Variants in DLGAP2 observed in about 807,000 individuals in gnomAD.
DLGAP2 encodes the protein DLG associated protein 2, also known as disks large-associated protein 2.
DLGAP2 carries 26 observed loss-of-function variants against 100.3 expected under a neutral mutation model. The ratio of observed to expected loss-of-function variants is 0.26; its 90% CI spans 0.19 to 0.36. The LOEUF is 0.36. Among genes scored for constraint, DLGAP2 ranks in the 10% least tolerant of loss-of-function variants. DLGAP2 has a pLI of 1.00. For synonymous variants in DLGAP2, 886 were observed against 630.1 expected (o/e 1.41, Z -6.08); for missense variants, 1,858 against 1,453.2 (o/e 1.28, Z -4.53).
chr8:768,478 G>A (rs1437747840), intron 1 of DLGAP2, among the ~76,000 whole-genome samples: 11 of 141,362 alleles, frequency 7.8e-5, no homozygotes, highest in Admixed American at 7.5e-4. Context: ...AGGCTGGAGT[G>A]CAGTGGTGTG....
At chr8:1,575,653 G>A (rs1009814046) in intron 6 of DLGAP2, among the ~76,000 whole-genome samples, 11 of 118,176 alleles carry the variant, frequency 9.3e-5, no homozygotes, top group Non-Finnish European at 1.7e-4. Context: ...AGTGTGTGAT[G>A]TTCCCCTTCC....
At chr8:1,573,199 G>T (rs1474187190) in intron 6 of DLGAP2, among the ~76,000 whole-genome samples, 25 of 140,008 alleles carry the variant, frequency 1.8e-4, no homozygotes, top group African/African-American at 6.4e-4. Flanking sequence ...TGAAGTGTCA[G>T]GGGCATCTGA....
chr8:1,195,155 C>A (rs1363589000), intron 2 of DLGAP2, among the ~76,000 whole-genome samples: 1 of 152,268 alleles, frequency 6.6e-6, no homozygotes, highest in Non-Finnish European at 1.5e-5. Flanking sequence ...GGCGTCAGAA[C>A]AGTGAACATC....
intron 1 of DLGAP2, among the ~76,000 whole-genome samples, chr8:760,302 C>T (rs1342223160): frequency 6.6e-6 from 1 of 152,192 alleles, no homozygotes; most frequent in Non-Finnish European, 1.5e-5. Flanking sequence ...CTGTGACCTT[C>T]AGAATCAACT....
intron 10 of DLGAP2, among the ~76,000 whole-genome samples, chr8:1,674,991 A>G (rs908047917): frequency 2.6e-5 from 4 of 152,252 alleles, no homozygotes; most frequent in African/African-American, 9.6e-5. Flanking sequence ...ACTTAACACT[A>G]GAAACGGGAA....
chr8:1,675,594 G>A (rs886621218), intron 10 of DLGAP2, among the ~76,000 whole-genome samples: 1 of 152,178 alleles, frequency 6.6e-6, no homozygotes, highest in African/African-American at 2.4e-5. Flanking sequence ...TTGCCTCACA[G>A]GGGACAGGGT....
Position 810,853 on chromosome 8 carries a change from G to C in DLGAP2, c.18+73028G>C, listed in dbSNP as rs538158942. ...TCAGTAATGCAGTTATGTTCCTTAG[G>C]GACATGTGTTTACACGGAATTGCAA... On this transcript the variant is annotated intron_variant, in intron 1 of 14. Coordinates refer to ENST00000637795, the MANE Select transcript of DLGAP2 (RefSeq NM_001346810.2). Among the ~76,000 whole-genome samples, 4 of 152,268 alleles carry C rather than the reference G, an allele frequency of 2.6e-5. No individual in the cohort carries two copies. In the South Asian group the frequency reaches 8.3e-4, roughly 32 times the overall value.
At position 1,379,416 on chromosome 8, in the gene DLGAP2, G is replaced by A. The variant is rs1003283589; in HGVS notation, c.106+120533G>A. 5.3e-5 allele frequency among the ~76,000 whole-genome samples: 8 copies of A among 152,212 alleles called. No individual in the cohort carries two copies. In the East Asian group the frequency reaches 9.6e-4, roughly 18 times the overall value. On this transcript the variant is annotated intron_variant, in intron 3 of 14. Transcript: ENST00000637795. ...ATCTAGGAGGTGGAGAAACGGGCAGGGAGACTAAATACCTCAGACCAAGGC... is the reference window on the plus strand; with the variant it reads ...ATCTAGGAGGTGGAGAAACGGGCAGAGAGACTAAATACCTCAGACCAAGGC...
chr8:1,522,124 C>A (rs76239653), intron 4 of DLGAP2, among the ~76,000 whole-genome samples: 19,628 of 151,742 alleles, frequency 0.13, 1,437 homozygotes, highest in Non-Finnish European at 0.15. Flanking sequence ...AATTTGGAAT[C>A]CTCGGGTGGC....
In DLGAP2 at chr8:1,678,217, C is replaced by A; in HGVS notation, c.2292C>A (p.His764Gln). Residue 764 changes from histidine (H) to glutamine (Q), a missense_variant, in exon 12 of 15, where the codon CAC becomes CAA. Coordinates refer to ENST00000637795, the MANE Select transcript of DLGAP2 (RefSeq NM_001346810.2). ...VGVQVEDEKR[H>Q]GRFKRSNSVT... ...TCTTCCTTCCCTCCTTTTGCAGACA[C>A]GGACGTTTTAAACGTTCTAACAGCG... 1.2e-6 allele frequency: 2 copies of A among 1,607,412 alleles called. No individual in the cohort carries two copies. Among genetic ancestry groups the A allele is most frequent in the Non-Finnish European group, 1.7e-6 (2 of 1,175,742 alleles).
chr8:908,861 T>A (rs1798431020), intron 2 of DLGAP2, among the ~76,000 whole-genome samples: 1 of 152,356 alleles, frequency 6.6e-6, no homozygotes, highest in South Asian at 2.1e-4. Flanking sequence ...TGCTGACATT[T>A]TCTTACTTGT....
intron 2 of DLGAP2, among the ~76,000 whole-genome samples, chr8:1,187,331 C>T (rs1797527300): frequency 1.4e-5 from 2 of 145,922 alleles, no homozygotes; most frequent in Non-Finnish European, 3.0e-5. Context: ...CCCTCACACG[C>T]CCAGGACCTC....
chr8:1,287,151 TGTGTGTGC>T (rs1169851713), intron 3 of DLGAP2, among the ~76,000 whole-genome samples: 5 of 132,090 alleles, frequency 3.8e-5, no homozygotes, highest in African/African-American at 1.4e-4. Context: ...TGTGTGTGTG[TGTGTGTGC>T]GCGCGCGCGC....
Position 1,447,419 on chromosome 8 carries a change from C to T in DLGAP2, c.107-53947C>T, listed in dbSNP as rs554887549. Among the ~76,000 whole-genome samples the T allele has an allele frequency of 2.6e-5, 4 of 152,364 alleles. No homozygotes were observed. In the South Asian group the frequency reaches 6.2e-4, roughly 24 times the overall value. On this transcript the variant is annotated intron_variant, in intron 3 of 14. Transcript: ENST00000637795. ...ATTTGCATATGTTGAACCATCCTTG[C>T]ATCCCAGGGATGAAGCCCACTTGAT...
intron 3 of DLGAP2, among the ~76,000 whole-genome samples, chr8:1,260,615 G>A (rs1032708962): frequency 2.6e-5 from 4 of 151,278 alleles, no homozygotes; most frequent in African/African-American, 9.7e-5. Context: ...ATGATTTCTG[G>A]GGACATAAAA....
chr8:1,264,535 C>T (rs971536217), intron 3 of DLGAP2, among the ~76,000 whole-genome samples: 1 of 152,066 alleles, frequency 6.6e-6, no homozygotes, highest in African/African-American at 2.4e-5. Context: ...CTGTATGTTG[C>T]AGAAGGACCA....
At chr8:1,499,607 C>G (rs1354206017) in intron 3 of DLGAP2, among the ~76,000 whole-genome samples, 1 of 152,160 alleles carries the variant, frequency 6.6e-6, no homozygotes, top group Non-Finnish European at 1.5e-5. Context: ...GCAGCTTAAA[C>G]TATGCAAAAA....
At chr8:757,204 C>T (rs1820943519) in intron 1 of DLGAP2, among the ~76,000 whole-genome samples, 2 of 152,188 alleles carry the variant, frequency 1.3e-5, no homozygotes, top group African/African-American at 4.8e-5. Context: ...AAAAATTCTT[C>T]CCTCCCCTGA....
chr8:1,056,087 T>G (rs113378654), intron 2 of DLGAP2, among the ~76,000 whole-genome samples: 162 of 152,308 alleles, frequency 1.1e-3, no homozygotes, highest in African/African-American at 3.7e-3. Flanking sequence ...GAGTAAGCAT[T>G]CAGTTGTATG....
Sources: allele counts gnomAD v4.1 joint callset (sites outside exome capture counted in the v4.1 genomes callset), GRCh38; gene constraint gnomAD v4.1.1; transcripts MANE v1.5; gene names NCBI Gene and HGNC (gene_info 2026-07-23, HGNC 2026-07-21).